HS3ST3A1: variants seen among roughly 807,000 people sequenced by gnomAD.
HS3ST3A1 encodes the protein heparan sulfate glucosamine 3-O-sulfotransferase 3A1.
A neutral mutation model predicts 25.7 loss-of-function variants in HS3ST3A1; 19 were observed. That is an observed-to-expected ratio of 0.74 (90% CI 0.52 to 1.08). HS3ST3A1 has a LOEUF of 1.08. Ranked by LOEUF, HS3ST3A1 falls within the 50% of genes least tolerant of loss-of-function variation. The pLI, the probability that HS3ST3A1 is intolerant of heterozygous loss-of-function variation, is 0.00. For missense variants in HS3ST3A1, 459 were observed against 594.3 expected, an observed-to-expected ratio of 0.77 and a Z score of 2.37; for synonymous variants, 226 against 278.6, an observed-to-expected ratio of 0.81 and a Z score of 1.88.
intron 1 of HS3ST3A1, among the ~76,000 whole-genome samples, chr17:13,574,500 C>T (rs938026283): frequency 3.3e-5 from 5 of 151,322 alleles, no homozygotes; most frequent in African/African-American, 1.2e-4. Context: ...AGGCGGATCA[C>T]GAGGTCAGGA....
chr17:13,590,353 G>A (rs993028807), intron 1 of HS3ST3A1, among the ~76,000 whole-genome samples: 41 of 149,804 alleles, frequency 2.7e-4, no homozygotes, highest in South Asian at 2.3e-3. Flanking sequence ...ACTATGCTAC[G>A]ACTGGTTCCA....
intron 1 of HS3ST3A1, among the ~76,000 whole-genome samples, chr17:13,548,963 A>G (rs1907167839): frequency 6.6e-6 from 1 of 152,230 alleles, no homozygotes; most frequent in Non-Finnish European, 1.5e-5. Context: ...GCAGAGCCAA[A>G]TAAGAACTAA....
chr17:13,559,536 A>G (rs960781327), intron 1 of HS3ST3A1, among the ~76,000 whole-genome samples: 1 of 148,690 alleles, frequency 6.7e-6, no homozygotes, highest in Non-Finnish European at 1.5e-5. Context: ...ATAATCTTAT[A>G]TTTTATGATA....
chr17:13,517,430 A>G (rs1906092123), intron 1 of HS3ST3A1, among the ~76,000 whole-genome samples: 1 of 152,204 alleles, frequency 6.6e-6, no homozygotes, highest in Non-Finnish European at 1.5e-5. Context: ...AATTACTATA[A>G]GGGAATGTTT....
chr17:13,563,984 C>T (rs1277975977), intron 1 of HS3ST3A1, among the ~76,000 whole-genome samples: 6 of 152,102 alleles, frequency 3.9e-5, no homozygotes, highest in Admixed American at 6.6e-5. Context: ...GGCCAATCTA[C>T]GATTGCACAA....
intron 1 of HS3ST3A1, among the ~76,000 whole-genome samples, chr17:13,551,374 TAAATAA>T (rs1907238043): frequency 1.4e-5 from 2 of 145,896 alleles, no homozygotes; most frequent in African/African-American, 5.0e-5. Flanking sequence ...AATAAATAAA[TAAATAA>T]ATAAATAAAT....
chr17:13,591,260 T>C (rs532853999), intron 1 of HS3ST3A1, among the ~76,000 whole-genome samples: 1 of 152,090 alleles, frequency 6.6e-6, no homozygotes, highest in South Asian at 2.1e-4. Context: ...TTGCCCAGGC[T>C]GGTCTCGAAT....
intron 1 of HS3ST3A1, among the ~76,000 whole-genome samples, chr17:13,523,839 T>G (rs1906325765): frequency 2.6e-5 from 4 of 152,232 alleles, no homozygotes; most frequent in African/African-American, 7.2e-5. Flanking sequence ...TTTGTTATTT[T>G]TGGCCGTATC....
intron 1 of HS3ST3A1, among the ~76,000 whole-genome samples, chr17:13,587,355 G>A (rs148905702): frequency 1.6e-4 from 25 of 152,330 alleles, no homozygotes; most frequent in Middle Eastern, 3.4e-3. Context: ...TCGGGAGGCC[G>A]AGGCAGGAGA....
At chr17:13,556,997 G>A (rs778785316) in intron 1 of HS3ST3A1, among the ~76,000 whole-genome samples, 7 of 152,310 alleles carry the variant, frequency 4.6e-5, no homozygotes, top group South Asian at 2.1e-4. Flanking sequence ...TACCAGAATA[G>A]GCAATAGGTT....
In HS3ST3A1 at chr17:13,495,218, T is replaced by C. The variant is rs958269098; in HGVS notation, c.*979A>G. On this transcript the variant is annotated 3_prime_UTR_variant, in exon 2 of 2. Coordinates refer to ENST00000284110, the MANE Select transcript of HS3ST3A1 (RefSeq NM_006042.3). ...CTAACACATCTTGTGCTACCCCTAG[T>C]GTGGCTGGCCACCTTGTCCTCCATG... Among the ~76,000 whole-genome samples, 5 of 152,164 alleles carry C rather than the reference T, an allele frequency of 3.3e-5. No homozygotes were observed. The highest frequency in any genetic ancestry group is 5.9e-5 in the Non-Finnish European group (4 of 68,030).
chr17:13,595,667 C>A (rs1490296049), intron 1 of HS3ST3A1, among the ~76,000 whole-genome samples: 1 of 152,102 alleles, frequency 6.6e-6, no homozygotes, highest in Admixed American at 6.6e-5. Flanking sequence ...CATTAGGAAA[C>A]CCATACCAAG....
At chr17:13,598,155 A>G (rs1459020111) in intron 1 of HS3ST3A1, among the ~76,000 whole-genome samples, 1 of 152,150 alleles carries the variant, frequency 6.6e-6, no homozygotes, top group African/African-American at 2.4e-5. Context: ...CTGTATTGCA[A>G]AGTTTGGGCT....
intron 1 of HS3ST3A1, among the ~76,000 whole-genome samples, chr17:13,533,621 C>T (rs1598417322): frequency 6.6e-6 from 1 of 151,916 alleles, no homozygotes; most frequent in African/African-American, 2.4e-5. Flanking sequence ...AATCTGATTG[C>T]ATCACGATAG....
intron 1 of HS3ST3A1, among the ~76,000 whole-genome samples, chr17:13,505,256 G>C (rs530744262): frequency 6.6e-6 from 1 of 152,272 alleles, no homozygotes; most frequent in African/African-American, 2.4e-5. Flanking sequence ...ATTCGACAGA[G>C]GGAAAACATG....
chr17:13,556,910 A>G (rs2142361502), intron 1 of HS3ST3A1, among the ~76,000 whole-genome samples: 1 of 152,172 alleles, frequency 6.6e-6, no homozygotes, highest in African/African-American at 2.4e-5. Context: ...CAGAAACTCA[A>G]TGGCAGCCAT....
intron 1 of HS3ST3A1, among the ~76,000 whole-genome samples, chr17:13,507,097 T>A (rs182539788): frequency 3.7e-4 from 54 of 147,160 alleles, no homozygotes; most frequent in African/African-American, 1.2e-3. Flanking sequence ...CAAAAAAAGA[T>A]GTCAAAGTCA....
intron 1 of HS3ST3A1, among the ~76,000 whole-genome samples, chr17:13,571,496 G>A (rs2067405308): frequency 6.6e-6 from 1 of 152,154 alleles, no homozygotes; most frequent in Non-Finnish European, 1.5e-5. Context: ...TTACCAACTG[G>A]CCAACCTCAC....
intron 1 of HS3ST3A1, among the ~76,000 whole-genome samples, chr17:13,547,312 G>C (rs139906948): frequency 6.6e-6 from 1 of 152,316 alleles, no homozygotes; most frequent in Admixed American, 6.5e-5. Flanking sequence ...TAAATGTGAT[G>C]ACTGATGGTT....
Sources: allele counts gnomAD v4.1 joint callset (sites outside exome capture counted in the v4.1 genomes callset), GRCh38; gene constraint gnomAD v4.1.1; transcripts MANE v1.5; gene names NCBI Gene and HGNC (gene_info 2026-07-23, HGNC 2026-07-21).